FAM131B: variants seen among roughly 807,000 people sequenced by gnomAD.
The protein encoded by FAM131B is family with sequence similarity 131 member B, also known as protein FAM131B.
FAM131B carries 19 observed loss-of-function variants against 42.0 expected under a neutral mutation model. The ratio of observed to expected loss-of-function variants is 0.45; its 90% CI spans 0.32 to 0.66. The LOEUF (loss-of-function observed/expected upper bound fraction) is 0.66, where lower values mean the gene tolerates loss of function less well. Among genes scored for constraint, FAM131B ranks in the 30% least tolerant of loss-of-function variants. The pLI, the probability that FAM131B is intolerant of heterozygous loss-of-function variation, is 0.05. For missense variants in FAM131B, 370 were observed against 468.4 expected, an observed-to-expected ratio of 0.79 and a Z score of 1.94; for synonymous variants, 183 against 177.6, an observed-to-expected ratio of 1.03 and a Z score of -0.24.
At chr7:143,368,463 G>A in the FAM131B span, among the ~76,000 whole-genome samples, 1 of 152,220 alleles carries the variant, frequency 6.6e-6, no homozygotes, top group African/African-American at 2.4e-5. Flanking sequence ...GATTGTCTCC[G>A]ATGCCTGCCT....
chr7:143,376,901 A>G, the FAM131B span, among the ~76,000 whole-genome samples: 3 of 152,228 alleles, frequency 2.0e-5, no homozygotes, highest in Non-Finnish European at 4.4e-5. Flanking sequence ...GGGACAAAAT[A>G]CAAAAGTATA....
Position 143,359,600 on chromosome 7 carries a change from A to G in FAM131B, c.174+132T>C. ...CCCCAGTGCTCTGGAAAACTGGGGC[A>G]CAGGTTGAGAACGTGAGTGCTCACA... On this transcript the variant is annotated intron_variant, in intron 3 of 6. Transcript: ENST00000443739. This position sits in a 1 kb window ranked among gnomAD's most constrained non-coding sequence, Gnocchi z 5.4. The G allele has an allele frequency of 9.8e-7, 1 of 1,016,752 alleles. No individual in the cohort carries two copies. Among genetic ancestry groups the G allele is most frequent in the Non-Finnish European group, 1.5e-6 (1 of 658,604 alleles). The allele number at this position is 1,016,752 out of a possible 1,614,324, so 63.0% of individuals were successfully genotyped here.
Position 143,359,109 on chromosome 7 carries a change from C to T in FAM131B, c.269-85G>A. 2.2e-6 allele frequency: 3 copies of T among 1,362,126 alleles called. No individual in the cohort carries two copies. The highest frequency in any genetic ancestry group is 3.9e-5 in the Admixed American group (2 of 50,902). The allele number at this position is 1,362,126 out of a possible 1,614,324, so 84.4% of individuals were successfully genotyped here. On this transcript the variant is annotated intron_variant, in intron 4 of 6. Transcript: ENST00000443739. The surrounding 1 kb of genome is among the most constrained non-coding windows in gnomAD (Gnocchi z 5.4). ...CCTCCCAGTTCCTCCCACCCCAGCCCCATGAGGCTCCATCCCACTGGGCCA... is the reference window on the plus strand; with the variant it reads ...CCTCCCAGTTCCTCCCACCCCAGCCTCATGAGGCTCCATCCCACTGGGCCA...
the FAM131B span, among the ~76,000 whole-genome samples, chr7:143,371,172 C>G: frequency 1.3e-5 from 2 of 152,174 alleles, no homozygotes; most frequent in African/African-American, 4.8e-5. Flanking sequence ...CGATCCAAAA[C>G]TCCTGCTGTC....
At chr7:143,369,188 T>C in the FAM131B span, among the ~76,000 whole-genome samples, 3 of 152,356 alleles carry the variant, frequency 2.0e-5, no homozygotes, top group South Asian at 6.2e-4. Context: ...GTGGCTGAAC[T>C]GTAACCAAAA....
At chr7:143,366,811 G>A (rs529048143), upstream of FAM131B, among the ~76,000 whole-genome samples, 201 of 152,310 alleles carry the variant, frequency 1.3e-3, no homozygotes, top group Non-Finnish European at 2.1e-3. Flanking sequence ...GCCCGCCTTG[G>A]CCTCCCAAAG....
chr7:143,381,822 G>C, the FAM131B span: 2 of 1,479,968 alleles, frequency 1.4e-6, no homozygotes. Flanking sequence ...CAGGAGCCGG[G>C]GTGGGGGGCA....
chr7:143,365,889 G>A (rs562442915), upstream of FAM131B, among the ~76,000 whole-genome samples: 4 of 152,194 alleles, frequency 2.6e-5, no homozygotes, highest in Non-Finnish European at 5.9e-5. Flanking sequence ...GATTACAGGC[G>A]TGAGCCACCA....
upstream of FAM131B, among the ~76,000 whole-genome samples, chr7:143,366,718 T>C (rs1203358181): frequency 6.6e-6 from 1 of 151,998 alleles, no homozygotes; most frequent in Non-Finnish European, 1.5e-5. Flanking sequence ...CCACCATGAC[T>C]GGCTAATTTT....
At chr7:143,367,343 T>C (rs887319920), upstream of FAM131B, among the ~76,000 whole-genome samples, 4 of 152,208 alleles carry the variant, frequency 2.6e-5, no homozygotes, top group Non-Finnish European at 5.9e-5. Context: ...CATTTGACTT[T>C]TAGACAAGGT....
chr7:143,366,289 G>C (rs1804181369), upstream of FAM131B, among the ~76,000 whole-genome samples: 1 of 152,150 alleles, frequency 6.6e-6, no homozygotes, highest in Admixed American at 6.5e-5. Context: ...TCTTTCTTCA[G>C]AGTGATTTGT....
the FAM131B span, chr7:143,380,574 CG>C: frequency 2.0e-6 from 2 of 985,528 alleles, no homozygotes; most frequent in Non-Finnish European, 2.4e-6. The surrounding 1 kb of genome is among the most constrained non-coding windows in gnomAD (Gnocchi z 5.0). Flanking sequence ...CCTCCATTCC[CG>C]GCCCCGCGGA....
chr7:143,369,400 C>A, the FAM131B span, among the ~76,000 whole-genome samples: 1 of 152,092 alleles, frequency 6.6e-6, no homozygotes, highest in African/African-American at 2.4e-5. Context: ...TTTGGCCGGG[C>A]GCGGTGGCTC....
upstream of FAM131B, among the ~76,000 whole-genome samples, chr7:143,364,553 C>T (rs1804135723): frequency 6.6e-6 from 1 of 152,170 alleles, no homozygotes; most frequent in Admixed American, 6.5e-5. Context: ...CTTAACACAA[C>T]TATATAAGGC....
the FAM131B span, among the ~76,000 whole-genome samples, chr7:143,371,998 A>T: frequency 1.3e-5 from 2 of 152,202 alleles, no homozygotes; most frequent in Non-Finnish European, 2.9e-5. Context: ...TCTCCTTGCA[A>T]CAGGAAGCAA....
chr7:143,357,395 C>T lies in FAM131B; in HGVS notation c.495G>A (p.Glu165=). The change falls in exon 6 of 7, where the codon GAG becomes GAA. Residue 165 remains glutamate, a synonymous_variant. Transcript: ENST00000443739. ...TGGAAGACCAGGCCATGAGTGTGGC[C>T]TCAGAGATAGCAAACTGCTCCATGA... is the stretch of plus-strand genomic sequence containing the variant. ...AGVMEQFAIS[E]ATLMAWSSMD... is the part of the protein sequence containing the mutation. The T allele has an allele frequency of 2.5e-6, 4 of 1,610,932 alleles. No homozygotes were observed. Among genetic ancestry groups the T allele is most frequent in the Non-Finnish European group, 3.4e-6 (4 of 1,178,944 alleles).
At chr7:143,377,146 G>T in the FAM131B span, among the ~76,000 whole-genome samples, 2 of 151,968 alleles carry the variant, frequency 1.3e-5, no homozygotes, top group Non-Finnish European at 2.9e-5. Context: ...TTCTAGAGAC[G>T]GGGTTTCTCC....
the FAM131B span, among the ~76,000 whole-genome samples, chr7:143,369,668 C>A: frequency 2.7e-5 from 2 of 73,742 alleles, no homozygotes; most frequent in African/African-American, 5.1e-5. Context: ...GAGCGAGAAT[C>A]CGTCTCAAAA....
At chr7:143,378,887 T>C in the FAM131B span, among the ~76,000 whole-genome samples, 2,334 of 152,336 alleles carry the variant, frequency 0.015, 17 homozygotes, top group Middle Eastern at 0.02. Context: ...ATTGTCTTCA[T>C]TTTAAGAGCA....
Sources: gnomAD v4.1 joint callset for allele counts (sites outside exome capture counted in the v4.1 genomes callset) on GRCh38, gnomAD v4.1.1 for gene constraint, Gnocchi (gnomAD v3.1) non-coding constraint, MANE v1.5 for transcripts, NCBI Gene and HGNC (gene_info 2026-07-23, HGNC 2026-07-21) for gene names.